The following SLC22A23 variants were observed in gnomAD, a reference collection of about 807,000 sequenced individuals.
SLC22A23 encodes the protein solute carrier family 22 member 23, also known as ion transporter protein.
A neutral mutation model predicts 61.0 loss-of-function variants in SLC22A23; 26 were observed. The ratio of observed to expected loss-of-function variants is 0.43; its 90% confidence interval spans 0.31 to 0.59. SLC22A23 has a LOEUF of 0.59. Ranked by LOEUF, SLC22A23 falls within the 20% of genes least tolerant of loss-of-function variation. SLC22A23 has a pLI of 0.11. For missense variants in SLC22A23, 796 were observed against 934.7 expected, an observed-to-expected ratio of 0.85 and a Z score of 1.94; for synonymous variants, 430 against 413.9, an observed-to-expected ratio of 1.04 and a Z score of -0.47.
intron 3 of SLC22A23, among the ~76,000 whole-genome samples, chr6:3,373,306 C>T (rs1766346918): frequency 6.6e-6 from 1 of 152,250 alleles, no homozygotes; most frequent in South Asian, 2.1e-4. Context: ...TGGGAGAAGA[C>T]TCTTAGAAGC....
intron 2 of SLC22A23, among the ~76,000 whole-genome samples, chr6:3,413,238 C>T (rs929353610): frequency 1.3e-5 from 2 of 152,174 alleles, no homozygotes; most frequent in African/African-American, 4.8e-5. Context: ...GAAGGATGGT[C>T]CTGGCCCCAG....
In SLC22A23 at chr6:3,324,672, G is replaced by C. The variant is rs149669618; in HGVS notation, c.914-670C>G. Among the ~76,000 whole-genome samples the C allele has an allele frequency of 1.4e-3, 212 of 152,294 alleles. No individual in the cohort carries two copies. The highest frequency in any genetic ancestry group is 5.0e-3 in the African/African-American group (209 of 41,552). On this transcript the variant is annotated intron_variant, in intron 3 of 9. Transcript: ENST00000406686. The surrounding 1 kb of genome is among the most constrained non-coding windows in gnomAD (Gnocchi z 4.3). Reference sequence around the variant, plus strand: ...CCCTACCAGAAAGCCCCTTCTCCACGTGGGAGTTCTGTGGGCCACTGCAAC... The same window carrying C: ...CCCTACCAGAAAGCCCCTTCTCCACCTGGGAGTTCTGTGGGCCACTGCAAC...
chr6:3,382,640 G>A (rs780206026), intron 3 of SLC22A23, among the ~76,000 whole-genome samples: 3 of 152,216 alleles, frequency 2.0e-5, no homozygotes, highest in Admixed American at 1.3e-4. Context: ...CCCACTGCCT[G>A]CTTTTGTTAA....
chr6:3,273,753 C>G (rs1439388987), intron 9 of SLC22A23, among the ~76,000 whole-genome samples: 4 of 152,112 alleles, frequency 2.6e-5, no homozygotes, highest in Non-Finnish European at 4.4e-5. Context: ...AAATGGGAAG[C>G]TGATATTACT....
At chr6:3,391,242 C>G (rs1006712606) in intron 3 of SLC22A23, among the ~76,000 whole-genome samples, 5 of 152,224 alleles carry the variant, frequency 3.3e-5, no homozygotes, top group Non-Finnish European at 7.3e-5. Context: ...TTTATTCTTG[C>G]TGATATCAAT....
intron 3 of SLC22A23, among the ~76,000 whole-genome samples, chr6:3,331,320 T>A (rs1763567426): frequency 6.6e-6 from 1 of 152,224 alleles, no homozygotes; most frequent in South Asian, 2.1e-4. Flanking sequence ...CTGCTGCTCC[T>A]CAGAGCCTAG....
chr6:3,323,986 G>A lies in SLC22A23; in HGVS notation c.930C>T (p.Pro310=), dbSNP rs1210411431. The A allele has an allele frequency of 6.2e-7, 1 of 1,614,164 alleles. No individual in the cohort carries two copies. The highest frequency in any genetic ancestry group is 8.5e-7 in the Non-Finnish European group (1 of 1,180,010). The stretch of plus-strand genomic sequence containing the variant: ...TCGTAATCATGAACCGTTTTCCAGG[G>A]GGGCACAGCTCTATTCCTAGAACAC... ...TLYALRIELC[P]PGKRFMITMV... The change falls in exon 4 of 10, where the codon CCC becomes CCT. Residue 310 remains proline (P), a synonymous_variant. Transcript: ENST00000406686.
intron 2 of SLC22A23, among the ~76,000 whole-genome samples, chr6:3,413,706 T>G (rs997805878): frequency 6.6e-6 from 1 of 152,226 alleles, no homozygotes; most frequent in Non-Finnish European, 1.5e-5. Flanking sequence ...CTTGATCCAC[T>G]TCCCCTGCAG....
At chr6:3,394,701 C>T (rs1261200389) in intron 3 of SLC22A23, among the ~76,000 whole-genome samples, 3 of 152,148 alleles carry the variant, frequency 2.0e-5, no homozygotes, top group Non-Finnish European at 4.4e-5. Context: ...CTCCAGGGCC[C>T]ACAGGGTAAA....
chr6:3,351,879 G>A (rs1025279304), intron 3 of SLC22A23, among the ~76,000 whole-genome samples: 5 of 152,194 alleles, frequency 3.3e-5, no homozygotes, highest in Admixed American at 2.6e-4. Flanking sequence ...GGGCAGCAGG[G>A]CCAAGGCCTG....
At position 3,456,168 on chromosome 6, in the gene SLC22A23, G is replaced by A. The variant is rs779155487; in HGVS notation, c.392C>T (p.Ala131Val). The A allele has an allele frequency of 1.4e-5, 21 of 1,551,120 alleles. No homozygotes were observed. Among genetic ancestry groups the A allele is most frequent in the South Asian group, 7.1e-5 (6 of 84,052 alleles). ...CCCTGCCAGCTCGGTGCCTTTGCCG[G>A]CCCCGCGGCACCAGAAGTTGGGCTG... ...LDQPNFWCRGAGKGTELAGVT... is the reference protein window; with the variant it reads ...LDQPNFWCRGVGKGTELAGVT... The change falls in exon 1 of 10, where the codon GCC (alanine) becomes GTC (valine). Residue 131 changes from alanine (A) to valine (V), a missense_variant. Ala to Val is a moderately conservative substitution (Grantham distance 64). Coordinates refer to ENST00000406686, the MANE Select transcript of SLC22A23 (RefSeq NM_015482.2). This position sits in a 1 kb window ranked among gnomAD's most constrained non-coding sequence, Gnocchi z 7.1.
chr6:3,289,955 C>T (rs759484163), intron 5 of SLC22A23, 89 bp from the exon 6 acceptor site: 16 of 684,592 alleles, frequency 2.3e-5, no homozygotes, highest in Non-Finnish European at 3.6e-5. Flanking sequence ...TTCCCCAGTT[C>T]GGGTACCACA....
At chr6:3,420,791 C>A (rs1193838353) in intron 1 of SLC22A23, among the ~76,000 whole-genome samples, 1 of 152,170 alleles carries the variant, frequency 6.6e-6, no homozygotes, top group Admixed American at 6.5e-5. Flanking sequence ...TAGTTAAACA[C>A]TTGGGAAATG....
intron 4 of SLC22A23, chr6:3,323,317 AC>A: frequency 2.2e-6 from 1 of 456,588 alleles, no homozygotes; most frequent in Non-Finnish European, 4.4e-6. Context: ...CACAGGTAAT[AC>A]CTATGTAAAC....
At chr6:3,323,332 C>T (rs148115741) in intron 4 of SLC22A23, 301 of 456,634 alleles carry the variant, frequency 6.6e-4, no homozygotes, top group African/African-American at 5.3e-3. Flanking sequence ...TGTAAACACA[C>T]GAGCATGGCT....
chr6:3,304,605 G>A lies in SLC22A23; in HGVS notation c.1083-6387C>T, dbSNP rs1253248589. Among the ~76,000 whole-genome samples the A allele has an allele frequency of 6.7e-6, 1 of 149,786 alleles. No individual in the cohort carries two copies. Among genetic ancestry groups the A allele is most frequent in the Non-Finnish European group, 1.5e-5 (1 of 66,498 alleles). Reference sequence around the variant, plus strand: ...CACTACTCACTCAAATCCACTGAGCGAGTTGGATAGAAGCCCGCATGGCGT... The same window carrying A: ...CACTACTCACTCAAATCCACTGAGCAAGTTGGATAGAAGCCCGCATGGCGT... On this transcript the variant is annotated intron_variant, in intron 4 of 9. Transcript: ENST00000406686. This position sits in a 1 kb window ranked among gnomAD's most constrained non-coding sequence, Gnocchi z 4.3.
chr6:3,353,122 C>A (rs756306725), intron 3 of SLC22A23, among the ~76,000 whole-genome samples: 2 of 152,362 alleles, frequency 1.3e-5, no homozygotes, highest in Non-Finnish European at 2.9e-5. Flanking sequence ...TCCGCCTAAT[C>A]TAAAATTACA....
intron 1 of SLC22A23, among the ~76,000 whole-genome samples, chr6:3,431,763 A>G (rs1770879849): frequency 6.6e-6 from 1 of 152,216 alleles, no homozygotes; most frequent in Non-Finnish European, 1.5e-5. Flanking sequence ...AAGTGAGGGC[A>G]CAAGGCAAAC....
chr6:3,343,771 T>C (rs1561911741), intron 3 of SLC22A23, among the ~76,000 whole-genome samples: 1 of 152,172 alleles, frequency 6.6e-6, no homozygotes, highest in Non-Finnish European at 1.5e-5. Flanking sequence ...GAAGAGCCAA[T>C]CACTGTCAAA....
Sources: gnomAD v4.1 joint callset for allele counts (sites outside exome capture counted in the v4.1 genomes callset) on GRCh38, gnomAD v4.1.1 for gene constraint, Gnocchi (gnomAD v3.1) non-coding constraint, MANE v1.5 for transcripts, NCBI Gene and HGNC (gene_info 2026-07-23, HGNC 2026-07-21) for gene names.